The following CSMD1 variants were observed in gnomAD, a reference collection of about 807,000 sequenced individuals.
CSMD1 encodes CUB and sushi domain-containing protein 1.
CSMD1 carries 213 observed loss-of-function variants against 417.5 expected under a neutral mutation model. That is an observed-to-expected ratio of 0.51 (90% CI 0.46 to 0.57). CSMD1 has a LOEUF of 0.57. Ranked by LOEUF, CSMD1 falls within the 20% of genes least tolerant of loss-of-function variation. CSMD1 has a pLI of 0.00. For synonymous variants in CSMD1, 2,862 were observed against 1,736.8 expected (o/e 1.65, Z -16.11); for missense variants, 6,923 against 4,529.7 (o/e 1.53, Z -15.17).
intron 5 of CSMD1, among the ~76,000 whole-genome samples, chr8:3,759,525 A>G (rs930396351): frequency 6.6e-6 from 1 of 152,104 alleles, no homozygotes; most frequent in Non-Finnish European, 1.5e-5. Context: ...ATAGTTTGGA[A>G]AATGAAAGAG....
At chr8:4,400,356 G>T (rs1033904234) in intron 3 of CSMD1, among the ~76,000 whole-genome samples, 1 of 152,226 alleles carries the variant, frequency 6.6e-6, no homozygotes, top group Admixed American at 6.5e-5. Context: ...AATTGTCAAA[G>T]CTTCCAAATG....
chr8:4,413,097 C>G (rs542580071), intron 3 of CSMD1, among the ~76,000 whole-genome samples: 91 of 152,292 alleles, frequency 6.0e-4, no homozygotes, highest in African/African-American at 2.1e-3. Flanking sequence ...AGAGATATTT[C>G]ATGGCCCTCA....
chr8:4,919,105 A>T (rs556180127), intron 1 of CSMD1, among the ~76,000 whole-genome samples: 2 of 152,352 alleles, frequency 1.3e-5, no homozygotes, highest in Middle Eastern at 3.4e-3. Flanking sequence ...ATTATGTAAC[A>T]TGTCATGCCT....
At position 3,872,002 on chromosome 8, in the gene CSMD1, G is replaced by T. The variant is rs182249955; in HGVS notation, c.819-117960C>A. On this transcript the variant is annotated intron_variant, in intron 5 of 69. Coordinates refer to ENST00000635120, the MANE Select transcript of CSMD1 (RefSeq NM_033225.6). Reference sequence around the variant, plus strand: ...AACCTGCACTATTTCCTATGCAATGGTGTGCAGTGAGTATAGTGGTTAACA... The same window carrying T: ...AACCTGCACTATTTCCTATGCAATGTTGTGCAGTGAGTATAGTGGTTAACA... 1.2e-3 allele frequency among the ~76,000 whole-genome samples: 183 copies of T among 152,282 alleles called. 1 individual carries two copies. Among genetic ancestry groups the T allele is most frequent in the African/African-American group, 4.3e-3 (177 of 41,572 alleles).
At chr8:3,405,928 C>T in intron 15 of CSMD1, 99 bp downstream of exon 15, 3 of 1,128,462 alleles carry the variant, frequency 2.7e-6, no homozygotes, top group South Asian at 1.5e-5. Flanking sequence ...TTTGTTAGGG[C>T]AGCCCTAGCA....
intron 3 of CSMD1, among the ~76,000 whole-genome samples, chr8:4,078,206 T>C (rs1368085223): frequency 6.6e-6 from 1 of 152,156 alleles, no homozygotes; most frequent in Non-Finnish European, 1.5e-5. Flanking sequence ...CATTTCTACA[T>C]CATTTTTTTC....
At chr8:3,309,428 G>A (rs1048222428) in intron 23 of CSMD1, among the ~76,000 whole-genome samples, 5 of 141,908 alleles carry the variant, frequency 3.5e-5, no homozygotes, top group African/African-American at 1.2e-4. Flanking sequence ...CTCCAGAAAT[G>A]AATCATTATA....
intron 3 of CSMD1, among the ~76,000 whole-genome samples, chr8:4,373,219 C>A (rs540168906): frequency 2.6e-5 from 4 of 152,156 alleles, no homozygotes; most frequent in South Asian, 2.1e-4. Context: ...CAAGAGGAGT[C>A]TGAGAAACTA....
At chr8:3,740,414 G>C (rs540642476) in intron 6 of CSMD1, among the ~76,000 whole-genome samples, 2 of 152,318 alleles carry the variant, frequency 1.3e-5, no homozygotes, top group Admixed American at 6.5e-5. Flanking sequence ...TGCTGAATAA[G>C]AGCCAAATGC....
chr8:3,307,466 C>G (rs1379796300), intron 25 of CSMD1, among the ~76,000 whole-genome samples: 9 of 152,150 alleles, frequency 5.9e-5, no homozygotes, highest in East Asian at 3.9e-4. Context: ...GCAGCAGAAG[C>G]TAACTGATAC....
intron 11 of CSMD1, among the ~76,000 whole-genome samples, chr8:3,490,286 T>C (rs1319356630): frequency 6.6e-6 from 1 of 152,204 alleles, no homozygotes; most frequent in Non-Finnish European, 1.5e-5. Flanking sequence ...AGATTCAAGC[T>C]ATTGAGAGAA....
chr8:4,912,287 A>C lies in CSMD1; in HGVS notation c.85+82045T>G, dbSNP rs115537384. On this transcript the variant is annotated intron_variant, in intron 1 of 69. Transcript: ENST00000635120. Reference sequence around the variant, plus strand: ...ATGCGAAGGCAGTAGATTGTACTAAAATGACGTGGACAGAAACAGAATCTA... The same window carrying C: ...ATGCGAAGGCAGTAGATTGTACTAACATGACGTGGACAGAAACAGAATCTA... Among the ~76,000 whole-genome samples, 59 of 152,256 alleles carry C rather than the reference A, an allele frequency of 3.9e-4. 1 individual carries two copies. Among genetic ancestry groups the C allele is most frequent in the African/African-American group, 1.3e-3 (53 of 41,574 alleles).
chr8:3,447,237 T>G (rs554076484), intron 12 of CSMD1, among the ~76,000 whole-genome samples: 2 of 152,190 alleles, frequency 1.3e-5, no homozygotes, highest in South Asian at 4.2e-4. Context: ...AAACACAAAT[T>G]AACAGAAAAT....
In CSMD1 at chr8:3,001,772, C is replaced by A. The variant is rs1464036367; in HGVS notation, c.8030-1641G>T. Among the ~76,000 whole-genome samples, 9 of 152,290 alleles carry A rather than the reference C, an allele frequency of 5.9e-5. No individual in the cohort carries two copies. In the South Asian group the frequency reaches 1.4e-3, roughly 25 times the overall value. On this transcript the variant is annotated intron_variant, in intron 52 of 69. Transcript: ENST00000635120. ...CAAAATATCAAGGCGGAGACTTTCC[C>A]TGCCCACTTATTTCCCCAACAGGGA... is the stretch of plus-strand genomic sequence containing the variant.
intron 7 of CSMD1, among the ~76,000 whole-genome samples, chr8:3,625,478 G>A (rs1335932672): frequency 6.6e-6 from 1 of 152,004 alleles, no homozygotes; most frequent in African/African-American, 2.4e-5. Flanking sequence ...TAAAACACAA[G>A]GGGTTGATCA....
chr8:3,961,687 A>C (rs1563257744), intron 5 of CSMD1, among the ~76,000 whole-genome samples: 3 of 152,228 alleles, frequency 2.0e-5, no homozygotes, highest in Non-Finnish European at 4.4e-5. Context: ...AGCAAACTTC[A>C]AAAAAGAAAA....
chr8:3,238,185 G>C (rs1474932184), intron 26 of CSMD1, among the ~76,000 whole-genome samples: 5 of 151,966 alleles, frequency 3.3e-5, no homozygotes, highest in African/African-American at 4.8e-5. Context: ...TGGTGGGCAG[G>C]TGTGGGGGTG....
At chr8:3,883,848 T>G (rs890314177) in intron 5 of CSMD1, among the ~76,000 whole-genome samples, 6 of 152,080 alleles carry the variant, frequency 3.9e-5, no homozygotes, top group African/African-American at 1.4e-4. Context: ...TTTAACAATT[T>G]TGACAGAAAA....
intron 3 of CSMD1, among the ~76,000 whole-genome samples, chr8:4,122,281 T>C (rs10866963): frequency 0.59 from 89,332 of 151,966 alleles, 26,497 homozygotes; most frequent in East Asian, 0.74. Flanking sequence ...TGGTTATTTA[T>C]AGATTTGCTG....
Sources: allele counts gnomAD v4.1 joint callset (sites outside exome capture counted in the v4.1 genomes callset), GRCh38; gene constraint gnomAD v4.1.1; transcripts MANE v1.5; gene names NCBI Gene and HGNC (gene_info 2026-07-23, HGNC 2026-07-21).